PCNX2: variants seen among roughly 807,000 people sequenced by gnomAD.
The protein encoded by PCNX2 is pecanex 2, also known as pecanex-like protein 2.
A neutral mutation model predicts 223.8 loss-of-function variants in PCNX2; 168 were observed. The ratio of observed to expected loss-of-function variants is 0.75; its 90% CI spans 0.66 to 0.85. The LOEUF is 0.85. Among genes scored for constraint, PCNX2 ranks in the 40% least tolerant of loss-of-function variants. The pLI is 0.00. For synonymous variants in PCNX2, 1,006 were observed against 1,052.6 expected (o/e 0.96, Z 0.86); for missense variants, 2,507 against 2,675.5 (o/e 0.94, Z 1.39).
intron 9 of PCNX2, chr1:233,231,763 G>T: frequency 3.0e-6 from 2 of 677,430 alleles, no homozygotes; most frequent in Non-Finnish European, 3.6e-6. Context: ...GGACTCTGGT[G>T]TTAGAAATAG....
At chr1:233,176,259 CT>C in intron 17 of PCNX2, among the ~76,000 whole-genome samples, 1 of 152,282 alleles carries the variant, frequency 6.6e-6, no homozygotes, top group East Asian at 1.9e-4. Flanking sequence ...GCTAAAAGAA[CT>C]TTTGAAGCTG....
rs1676126865 is a variant in PCNX2 at position 233,126,820 on chromosome 1, C to A, written c.3837+8193G>T. On this transcript the variant is annotated intron_variant, in intron 21 of 33. Transcript: ENST00000258229. This position sits in a 1 kb window ranked among gnomAD's most constrained non-coding sequence, Gnocchi z 4.8. ...AATACATCAAAGCTAACATCCTTTT[C>A]CCAAAAACGTCTTTCTCTTCTTTAT... Among the ~76,000 whole-genome samples, 1 of 152,072 alleles carries A rather than the reference C, an allele frequency of 6.6e-6. No homozygotes were observed.
intron 9 of PCNX2, among the ~76,000 whole-genome samples, chr1:233,233,091 T>A (rs1193266049): frequency 2.0e-5 from 3 of 152,140 alleles, no homozygotes; most frequent in Non-Finnish European, 4.4e-5. Flanking sequence ...AGCAGTGTAA[T>A]AAGCAAAATG....
intron 17 of PCNX2, among the ~76,000 whole-genome samples, chr1:233,165,746 A>C (rs1326490658): frequency 6.6e-6 from 1 of 152,216 alleles, no homozygotes; most frequent in Non-Finnish European, 1.5e-5. Flanking sequence ...GATATACTGC[A>C]TTCCTGGATT....
chr1:233,323,894 G>T, the PCNX2 span, among the ~76,000 whole-genome samples: 4 of 152,204 alleles, frequency 2.6e-5, no homozygotes, highest in African/African-American at 9.6e-5. Flanking sequence ...AGGAAGGCAC[G>T]TGAAAAGCCA....
intron 32 of PCNX2, among the ~76,000 whole-genome samples, chr1:232,989,649 T>G (rs1043544335): frequency 6.6e-6 from 1 of 152,160 alleles, no homozygotes; most frequent in Non-Finnish European, 1.5e-5. Flanking sequence ...CCTGTATCAC[T>G]TCTATGAGCT....
Position 232,986,381 on chromosome 1 carries a change from C to T in PCNX2, c.5951G>A (p.Arg1984Gln), listed in dbSNP as rs41309639. The change falls in exon 33 of 34, where the codon CGG (arginine) becomes CAG (glutamine). Residue 1984 changes from arginine to glutamine, a missense_variant. Arg to Gln is a conservative substitution (Grantham distance 43, BLOSUM62 1). This residue lies in a region of PCNX2 where 1,372 missense variants were observed against 1,509.4 expected (regional missense o/e 0.91). Coordinates refer to ENST00000258229, the MANE Select transcript of PCNX2 (RefSeq NM_014801.4). ...HELAQRLSGS[R>Q]LSLHASATSL... is the part of the protein sequence containing the mutation. ...CGTGGCCGAGGCGTGCAAGGAGAGC[C>T]GGCTGCCCGAGAGCCTCTGGGCCAG... 0.22 allele frequency: 358,602 copies of T among 1,600,692 alleles called. 41,359 individuals are homozygous for T. The highest frequency in any genetic ancestry group is 0.24 in the Non-Finnish European group (278,787 of 1,173,144).
intron 19 of PCNX2, among the ~76,000 whole-genome samples, chr1:233,146,893 T>C (rs1479544107): frequency 6.6e-6 from 1 of 152,166 alleles, no homozygotes; most frequent in African/African-American, 2.4e-5. Flanking sequence ...AGGGACATAA[T>C]CCCATTACAG....
At chr1:233,196,156 T>C (rs1371447844) in intron 15 of PCNX2, among the ~76,000 whole-genome samples, 1 of 152,118 alleles carries the variant, frequency 6.6e-6, no homozygotes, top group Non-Finnish European at 1.5e-5. Context: ...TTTCAACAAA[T>C]GGTACTAGTA....
intron 21 of PCNX2, among the ~76,000 whole-genome samples, chr1:233,097,457 C>G (rs1050315220): frequency 1.4e-4 from 21 of 151,914 alleles, no homozygotes; most frequent in African/African-American, 5.1e-4. Context: ...TTGTTTTTTG[C>G]TCATAACTTT....
chr1:233,262,769 TGG>T (rs1417705857), intron 2 of PCNX2, among the ~76,000 whole-genome samples, 187 bp downstream of exon 2: 1 of 152,216 alleles, frequency 6.6e-6, no homozygotes, highest in Non-Finnish European at 1.5e-5. Context: ...AGACATTTAT[TGG>T]GAAGCCAGTT....
chr1:233,136,338 T>C (rs142991740), intron 20 of PCNX2, among the ~76,000 whole-genome samples: 223 of 152,320 alleles, frequency 1.5e-3, no homozygotes, highest in African/African-American at 5.2e-3. Context: ...AGGAACCTTA[T>C]CAGCATTATG....
chr1:233,046,942 G>C (rs993296234), intron 25 of PCNX2, among the ~76,000 whole-genome samples: 9 of 152,210 alleles, frequency 5.9e-5, no homozygotes, highest in African/African-American at 1.9e-4. Flanking sequence ...AAATGACATG[G>C]TGCCTGTCCA....
At chr1:233,007,578 C>G (rs1401206578) in intron 28 of PCNX2, among the ~76,000 whole-genome samples, 1 of 152,168 alleles carries the variant, frequency 6.6e-6, no homozygotes, top group Non-Finnish European at 1.5e-5. Context: ...CTCTCTGTTG[C>G]CCAGGCTGGA....
intron 21 of PCNX2, among the ~76,000 whole-genome samples, chr1:233,128,502 T>C (rs903543404): frequency 6.6e-6 from 1 of 152,012 alleles, no homozygotes; most frequent in Non-Finnish European, 1.5e-5. Context: ...GCCCAACTAA[T>C]TCTTGTATTT....
At chr1:233,077,962 G>T (rs1241755759) in intron 23 of PCNX2, among the ~76,000 whole-genome samples, 2 of 152,098 alleles carry the variant, frequency 1.3e-5, no homozygotes, top group African/African-American at 2.4e-5. Flanking sequence ...ATTAGAGAAT[G>T]GTTTTGTATA....
chr1:233,150,889 A>T (rs1677759814), intron 19 of PCNX2, among the ~76,000 whole-genome samples: 1 of 152,138 alleles, frequency 6.6e-6, no homozygotes, highest in Non-Finnish European at 1.5e-5. Context: ...AACCATAATA[A>T]TAATATTTAA....
At chr1:233,260,446 A>G in intron 4 of PCNX2, among the ~76,000 whole-genome samples, 1 of 152,230 alleles carries the variant, frequency 6.6e-6, no homozygotes, top group African/African-American at 2.4e-5. Context: ...TGTATATAAA[A>G]CACATAAAGT....
chr1:233,190,379 T>C (rs1680352483), intron 15 of PCNX2, among the ~76,000 whole-genome samples: 1 of 152,202 alleles, frequency 6.6e-6, no homozygotes. Context: ...GCTAACCACA[T>C]TCATTCAATT....
Sources: gnomAD v4.1 joint callset for allele counts (sites outside exome capture counted in the v4.1 genomes callset) on GRCh38, gnomAD v4.1.1 for gene constraint, gnomAD v4.1.1 regional missense constraint, Gnocchi (gnomAD v3.1) non-coding constraint, MANE v1.5 for transcripts, NCBI Gene and HGNC (gene_info 2026-07-23, HGNC 2026-07-21) for gene names.